TMEM134: variants seen among roughly 807,000 people sequenced by gnomAD.
TMEM134 encodes transmembrane protein 134.
A neutral mutation model predicts 26.2 loss-of-function variants in TMEM134; 36 were observed. The observed-to-expected ratio is 1.37, with a 90% confidence interval of 1.05 to 1.81. TMEM134 has a LOEUF of 1.81. Ranked by LOEUF, TMEM134 falls within the 40% of genes most tolerant of loss-of-function variation. The pLI is 0.00. For synonymous variants in TMEM134, 133 were observed against 113.6 expected, an observed-to-expected ratio of 1.17 and a Z score of -1.08; for missense variants, 339 against 263.5, an observed-to-expected ratio of 1.29 and a Z score of -1.98.
intron 2 of TMEM134, 97 bp downstream of exon 2, chr11:67,467,931 G>A (rs1591024865): frequency 8.7e-7 from 1 of 1,150,624 alleles, no homozygotes; most frequent in East Asian, 2.6e-5. Context: ...GGACGGGATG[G>A]AAGAGAGTGA....
At chr11:67,468,988 G>C in intron 1 of TMEM134, 31 bp downstream of exon 1, 2 of 1,453,736 alleles carry the variant, frequency 1.4e-6, no homozygotes, top group Non-Finnish European at 1.8e-6. Flanking sequence ...TCCGGCCGGG[G>C]GCAGGGGGTT....
Position 67,465,056 on chromosome 11 carries a change from C to G in TMEM134, c.451G>C (p.Gly151Arg), listed in dbSNP as rs376052456. ...CTGTGGGGGCGGGAGGGTCGCTCAC[C>G]TGGAGAGGGGGTCGCCTCCAGTCCC... ...GVGLEATPSP[G>R]VSSAIFFVPG... The change falls in exon 5 of 7, where the codon GGT becomes CGT. Residue 151 changes from glycine to arginine, a missense_variant and splice_region_variant. By Grantham distance (125) the Gly-to-Arg change is moderately radical. Coordinates refer to ENST00000308022, the MANE Select transcript of TMEM134 (RefSeq NM_025124.4). 6.3e-7 allele frequency: 1 copy of G among 1,581,506 alleles called. No homozygotes were observed. Among genetic ancestry groups the G allele is most frequent in the Non-Finnish European group, 8.6e-7 (1 of 1,168,106 alleles).
intron 4 of TMEM134, chr11:67,466,483 A>G: frequency 6.5e-6 from 1 of 152,674 alleles, no homozygotes; most frequent in Non-Finnish European, 1.5e-5. Context: ...GAAAAATGAA[A>G]GAACTTGGCA....
In TMEM134 at chr11:67,463,023, T is replaced by C. The variant is rs1234817180; in HGVS notation, c.*1591A>G. The C allele has an allele frequency of 1.3e-5, 2 of 152,294 alleles. No homozygotes were observed. Among genetic ancestry groups the C allele is most frequent in the East Asian group, 1.9e-4 (1 of 5,180 alleles). 9.4% of individuals were successfully genotyped at this position (152,294 alleles called of 1,614,324 possible). On this transcript the variant is annotated 3_prime_UTR_variant, in exon 7 of 7. Transcript: ENST00000308022. ...TTCTTATGAAAGTACTGGACCGTGA[T>C]GGATTAGAAATGAAAACTGGTCCTT...
Position 67,467,305 on chromosome 11 carries a change from C to G in TMEM134, c.406+7G>C, listed in dbSNP as rs1865319863. Reference sequence around the variant, plus strand: ...CCCTCTTGACCCCAACCCTCAGGGCCACTCACCCAGCCCCAGCAGCAGGAG... The same window carrying G: ...CCCTCTTGACCCCAACCCTCAGGGCGACTCACCCAGCCCCAGCAGCAGGAG... On this transcript the variant is annotated splice_region_variant and intron_variant, in intron 4 of 6. Coordinates refer to ENST00000308022, the MANE Select transcript of TMEM134 (RefSeq NM_025124.4). 1 of 1,613,416 alleles carries G rather than the reference C, an allele frequency of 6.2e-7. No individual in the cohort carries two copies. Among genetic ancestry groups the G allele is most frequent in the African/African-American group, 1.3e-5 (1 of 74,918 alleles).
Position 67,464,591 on chromosome 11 carries a change from A to T in TMEM134, c.*23T>A. On this transcript the variant is annotated 3_prime_UTR_variant, in exon 7 of 7. Transcript: ENST00000308022. ...GCAAGAGGGGCGCCCCCATGGGCGC[A>T]AGGGGTCCACGCTGCGCCGCGATCA... The T allele has an allele frequency of 1.3e-6, 2 of 1,551,434 alleles. No homozygotes were observed. The highest frequency in any genetic ancestry group is 1.7e-6 in the Non-Finnish European group (2 of 1,146,740).
Position 67,469,041 on chromosome 11 carries a change from T to C in TMEM134, c.152A>G (p.Lys51Arg). The C allele has an allele frequency of 6.6e-7, 1 of 1,514,122 alleles. No individual in the cohort carries two copies. Among genetic ancestry groups the C allele is most frequent in the Non-Finnish European group, 8.8e-7 (1 of 1,132,744 alleles). The allele number at this position is 1,514,122 out of a possible 1,614,324, so 93.8% of individuals were successfully genotyped here. Reference protein sequence around the residue: ...RARFEVADEDKQSRLRYQNLE... With the variant: ...RARFEVADEDRQSRLRYQNLE... ...CACCTGGTAGCGCAGCCGGGACTGC[T>C]TGTCCTCGTCAGCCACCTCGAACCG... Residue 51 changes from lysine to arginine, a missense_variant, in exon 1 of 7, where the codon AAG becomes AGG. Transcript: ENST00000308022.
In TMEM134 at chr11:67,464,866, G is replaced by C. The variant is rs1389191701; in HGVS notation, c.452-10C>G. Reference sequence around the variant, plus strand: ...ATGGCGCTGGAGACACCTGCGGGAGGGACCAGAGCCCGGTCAGGGCGAGGG... The same window carrying C: ...ATGGCGCTGGAGACACCTGCGGGAGCGACCAGAGCCCGGTCAGGGCGAGGG... On this transcript the variant is annotated splice_polypyrimidine_tract_variant and intron_variant, in intron 5 of 6. Transcript: ENST00000308022. The C allele has an allele frequency of 6.2e-7, 1 of 1,610,274 alleles. No individual in the cohort carries two copies. The highest frequency in any genetic ancestry group is 1.7e-5 in the Admixed American group (1 of 59,988).
rs780346514 is a variant in TMEM134, at chr11:67,467,356, C to T, written c.362G>A (p.Arg121His). Residue 121 changes from arginine to histidine, a missense_variant, in exon 4 of 7, where the codon CGC (arginine) becomes CAC (histidine). Physicochemically the swap from Arg to His is conservative, Grantham distance 29 (BLOSUM62 0). Transcript: ENST00000308022. Reference sequence around the variant, plus strand: ...CAGGAAGGAGGCCAGCACCACTCGGCGGTTCTTCTGGATCAAAGGGTGTTG... The same window carrying T: ...CAGGAAGGAGGCCAGCACCACTCGGTGGTTCTTCTGGATCAAAGGGTGTTG... ...WTQHPLIQKN[R>H]RVVLASFLLL... 1.1e-5 allele frequency: 17 copies of T among 1,613,582 alleles called. No individual in the cohort carries two copies. The highest frequency in any genetic ancestry group is 6.6e-5 in the South Asian group (6 of 91,064).
At chr11:67,468,896 G>A (rs1016200761) in intron 1 of TMEM134, 123 bp downstream of exon 1, 2 of 990,066 alleles carry the variant, frequency 2.0e-6, no homozygotes, top group South Asian at 2.4e-5. Context: ...GCGGGGCGGG[G>A]GGGCGGTCTC....
At chr11:67,464,951 G>T in intron 5 of TMEM134, 95 bp from the exon 6 acceptor site, 1 of 1,539,594 alleles carries the variant, frequency 6.5e-7, no homozygotes, top group Non-Finnish European at 8.9e-7. Context: ...CTCACTCCCA[G>T]CTGAAAAGGA....
intron 1 of TMEM134, among the ~76,000 whole-genome samples, chr11:67,468,620 GC>G (rs1865438453): frequency 6.6e-6 from 1 of 152,188 alleles, no homozygotes; most frequent in Non-Finnish European, 1.5e-5. Flanking sequence ...AGAAAGGCGT[GC>G]GGGTTCCCAT....
chr11:67,467,804 G>A (rs1865367745), intron 2 of TMEM134: 3 of 655,400 alleles, frequency 4.6e-6, no homozygotes, highest in African/African-American at 3.6e-5. Flanking sequence ...TGAAGGTGGG[G>A]GCCAGACCAG....
rs1278768351 is a variant in TMEM134, at chr11:67,469,120, GC to G, written c.72del (p.Glu26SerfsTer91). ...FELSLEDGGP[G>X]PESSGVARFG... The stretch of plus-strand genomic sequence containing the variant: ...AAGCGCGCGACCCCGCTGGACTCGG[GC>G]CCAGGGCCCCCGTCCTCCAGGGACA... On this transcript the variant is annotated frameshift_variant, in exon 1 of 7. Transcript: ENST00000308022. LOFTEE classifies it high-confidence loss of function. 1 of 1,502,580 alleles carries G rather than the reference GC, an allele frequency of 6.7e-7. No individual in the cohort carries two copies. The highest frequency in any genetic ancestry group is 8.9e-7 in the Non-Finnish European group (1 of 1,125,164). 93.1% of individuals were successfully genotyped at this position (1,502,580 alleles called of 1,614,324 possible).
chr11:67,464,935 G>A, intron 5 of TMEM134, 79 bp from the exon 6 acceptor site: 2 of 1,558,398 alleles, frequency 1.3e-6, no homozygotes. Flanking sequence ...GACTGCCCGG[G>A]CAAGCCTCAC....
In TMEM134 at chr11:67,461,742, G is replaced by A. The variant is rs1041687054; in HGVS notation, c.*2872C>T. The stretch of plus-strand genomic sequence containing the variant: ...ATATCAGAAATTTTAATAAATAACA[G>A]TAAAACTTCATTTATTGACATGGAA... On this transcript the variant is annotated 3_prime_UTR_variant, in exon 7 of 7. Coordinates refer to ENST00000308022, the MANE Select transcript of TMEM134 (RefSeq NM_025124.4). 1 of 152,028 alleles carries A rather than the reference G, an allele frequency of 6.6e-6. No homozygotes were observed. The highest frequency in any genetic ancestry group is 2.4e-5 in the African/African-American group (1 of 41,362). 9.4% of individuals were successfully genotyped at this position (152,028 alleles called of 1,614,324 possible). A position where few individuals can be genotyped will look rare whatever the true frequency, so the allele number is the denominator to read the frequency against.
In TMEM134 at chr11:67,469,032, C is replaced by A; in HGVS notation, c.161G>T (p.Arg54Leu). Residue 54 changes from arginine (R) to leucine (L), a missense_variant, in exon 1 of 7, where the codon CGG (arginine) becomes CTG (leucine). Physicochemically the swap from Arg to Leu is moderately radical, Grantham distance 102 (BLOSUM62 -2). Coordinates refer to ENST00000308022, the MANE Select transcript of TMEM134 (RefSeq NM_025124.4). ...CGGGCGGTTCACCTGGTAGCGCAGC[C>A]GGGACTGCTTGTCCTCGTCAGCCAC... Reference protein sequence around the residue: ...FEVADEDKQSRLRYQNLENDE... With the variant: ...FEVADEDKQSLLRYQNLENDE... 6.6e-7 allele frequency: 1 copy of A among 1,509,708 alleles called. No homozygotes were observed. The highest frequency in any genetic ancestry group is 8.8e-7 in the Non-Finnish European group (1 of 1,130,594). 93.5% of individuals were successfully genotyped at this position (1,509,708 alleles called of 1,614,324 possible).
At chr11:67,467,871 CAGTGTAGGAGACCCTGT>C in intron 2 of TMEM134, 140 bp downstream of exon 2, 3 of 740,744 alleles carry the variant, frequency 4.0e-6, no homozygotes, top group Non-Finnish European at 6.7e-6. Context: ...GGTGACCCTA[CAGTGTAGGAGACCCTGT>C]GAGGAAAGTG....
chr11:67,469,242 A>T lies in TMEM134; in HGVS notation c.-50T>A. The T allele has an allele frequency of 8.1e-7, 1 of 1,230,652 alleles. No homozygotes were observed. The highest frequency in any genetic ancestry group is 1.0e-6 in the Non-Finnish European group (1 of 983,518). 76.2% of individuals were successfully genotyped at this position (1,230,652 alleles called of 1,614,324 possible). On this transcript the variant is annotated 5_prime_UTR_variant, in exon 1 of 7. Coordinates refer to ENST00000308022, the MANE Select transcript of TMEM134 (RefSeq NM_025124.4). Reference sequence around the variant, plus strand: ...GCGCCGCCGCCATCTGCGCCCACACACCCAGCGTCGCCGCTGCCCCGCCCC... The same window carrying T: ...GCGCCGCCGCCATCTGCGCCCACACTCCCAGCGTCGCCGCTGCCCCGCCCC...
Sources: gnomAD v4.1 joint callset for allele counts (sites outside exome capture counted in the v4.1 genomes callset) on GRCh38, gnomAD v4.1.1 for gene constraint, MANE v1.5 for transcripts, NCBI Gene and HGNC (gene_info 2026-07-23, HGNC 2026-07-21) for gene names.